Variants in MREG observed in about 807,000 individuals in gnomAD.
MREG encodes dilute suppressor protein homolog.
In MREG, 31 loss-of-function variants were observed where a neutral mutation model predicts 28.5. The observed-to-expected ratio is 1.09, with a 90% CI of 0.82 to 1.47. MREG has a LOEUF of 1.47. Among genes scored for constraint, MREG ranks in the 40% most tolerant of loss-of-function variants. MREG has a pLI of 0.00. For missense variants in MREG, 256 were observed against 257.4 expected, an observed-to-expected ratio of 0.99 and a Z score of 0.04; for synonymous variants, 106 against 95.2, an observed-to-expected ratio of 1.11 and a Z score of -0.66.
intron 1 of MREG, among the ~76,000 whole-genome samples, chr2:216,006,520 C>T (rs1366212541): frequency 9.9e-5 from 15 of 152,236 alleles, no homozygotes; most frequent in East Asian, 1.9e-4. Flanking sequence ...CCGGAGCTAC[C>T]GGCTTTGCAA....
rs1693876295 is a variant in MREG, at chr2:215,996,420, A to G, written c.141T>C (p.Asp47=). The G allele has an allele frequency of 6.2e-7, 1 of 1,613,588 alleles. No homozygotes were observed. The highest frequency in any genetic ancestry group is 8.5e-7 in the Non-Finnish European group (1 of 1,179,728). The part of the protein sequence containing the change: ...YSSFGATLVR[D]DEKNLWSMPH... Reference sequence around the variant, plus strand: ...GCATACTCCATAAATTCTTCTCATCATCCCTCACCAGAGTTGCTCCAAATG... The same window carrying G: ...GCATACTCCATAAATTCTTCTCATCGTCCCTCACCAGAGTTGCTCCAAATG... Residue 47 remains aspartate (D), a synonymous_variant, in exon 2 of 5, where the codon GAT becomes GAC. Transcript: ENST00000263268.
In MREG at chr2:216,000,127, C is replaced by T. The variant is rs1237954783; in HGVS notation, c.96-3662G>A. On this transcript the variant is annotated intron_variant, in intron 1 of 4. Transcript: ENST00000263268. ...TATTCAGGGCTTGAGCCAAGGGCTCCTGCATTCCACCCCTCACGTTACACA... is the reference window on the plus strand; with the variant it reads ...TATTCAGGGCTTGAGCCAAGGGCTCTTGCATTCCACCCCTCACGTTACACA... 3.9e-5 allele frequency among the ~76,000 whole-genome samples: 6 copies of T among 152,230 alleles called. No individual in the cohort carries two copies. In the South Asian group the frequency reaches 1.0e-3, roughly 26 times the overall value.
At chr2:215,986,668 G>T (rs188544148) in intron 2 of MREG, among the ~76,000 whole-genome samples, 4 of 152,060 alleles carry the variant, frequency 2.6e-5, no homozygotes, top group African/African-American at 7.2e-5. Context: ...TTCTGTTCTC[G>T]AAGTCTCACA....
intron 1 of MREG, among the ~76,000 whole-genome samples, chr2:216,004,430 T>A (rs1229441276): frequency 6.6e-6 from 1 of 152,004 alleles, no homozygotes; most frequent in Non-Finnish European, 1.5e-5. Context: ...GTATCTCAAG[T>A]ACTTAAAACA....
chr2:216,005,208 C>A (rs1360219385), intron 1 of MREG, among the ~76,000 whole-genome samples: 1 of 151,932 alleles, frequency 6.6e-6, no homozygotes, highest in Non-Finnish European at 1.5e-5. Context: ...AGGCTACATA[C>A]AACAACACGG....
chr2:215,961,417 A>C (rs1230770462), intron 2 of MREG, among the ~76,000 whole-genome samples: 2 of 151,976 alleles, frequency 1.3e-5, no homozygotes, highest in African/African-American at 4.8e-5. Flanking sequence ...ATTCACATGC[A>C]GGCCCCCCGC....
At chr2:216,031,531 G>GAA (rs1559203942) in intron 1 of MREG, among the ~76,000 whole-genome samples, 1 of 140,140 alleles carries the variant, frequency 7.1e-6, no homozygotes, top group Non-Finnish European at 1.5e-5. Context: ...GAAAAGAAAA[G>GAA]AAAGAAGGAA....
intron 2 of MREG, among the ~76,000 whole-genome samples, chr2:215,955,178 GCAAT>G (rs1051196177): frequency 2.0e-5 from 3 of 152,088 alleles, no homozygotes; most frequent in Admixed American, 6.5e-5. Flanking sequence ...ATATGTTTTA[GCAAT>G]CAGCCTGTGT....
chr2:216,022,622 A>G (rs959247212), intron 1 of MREG, among the ~76,000 whole-genome samples: 1 of 152,192 alleles, frequency 6.6e-6, no homozygotes, highest in African/African-American at 2.4e-5. Context: ...AACAGTCTCA[A>G]TTCTCAGCCC....
rs575334471 is a variant in MREG, at chr2:215,994,754, C to G, written c.255+1552G>C. On this transcript the variant is annotated intron_variant, in intron 2 of 4. Transcript: ENST00000263268. ...CCAAGAGGGCTTTGTCGTCCATGTT[C>G]CTCTGCTGTCTTCTGAAAAGTAAAG... 8.5e-5 allele frequency among the ~76,000 whole-genome samples: 13 copies of G among 152,226 alleles called. No homozygotes were observed. The South Asian group carries it at 2.7e-3, about 32-fold the overall frequency.
chr2:215,949,035 TCTACTACTACTACTACTACTA>T (rs67462853), intron 2 of MREG, among the ~76,000 whole-genome samples: 1 of 131,096 alleles, frequency 7.6e-6, no homozygotes, highest in African/African-American at 2.8e-5. Flanking sequence ...AAACCCTGTC[TCTACTACTACTACTACTACTA>T]CTACTACTAC....
intron 2 of MREG, among the ~76,000 whole-genome samples, chr2:215,987,739 GTAGT>G (rs1183637812): frequency 6.6e-6 from 1 of 151,824 alleles, no homozygotes; most frequent in Non-Finnish European, 1.5e-5. Flanking sequence ...AATTTACCAG[GTAGT>G]TAATTAAAAA....
chr2:215,970,566 C>G (rs1363244563), intron 2 of MREG, among the ~76,000 whole-genome samples: 2 of 152,204 alleles, frequency 1.3e-5, no homozygotes, highest in Admixed American at 6.5e-5. Flanking sequence ...ACAAGAGTCT[C>G]TTACTCATCT....
chr2:216,029,353 C>T (rs1271374117), intron 1 of MREG, among the ~76,000 whole-genome samples: 1 of 152,184 alleles, frequency 6.6e-6, no homozygotes, highest in Admixed American at 6.5e-5. Context: ...TGGCGCGCTT[C>T]TGTAGTCCCA....
chr2:215,966,887 A>G (rs540065514), intron 2 of MREG, among the ~76,000 whole-genome samples: 154 of 152,306 alleles, frequency 1.0e-3, no homozygotes, highest in Non-Finnish European at 1.9e-3. Context: ...GGCATGAGCC[A>G]CTGCACCTGG....
intron 2 of MREG, among the ~76,000 whole-genome samples, chr2:215,985,396 A>G (rs1191290946): frequency 6.6e-6 from 1 of 152,236 alleles, no homozygotes; most frequent in Non-Finnish European, 1.5e-5. Flanking sequence ...TTCAAAGACA[A>G]GAGCAATAAT....
rs1692240314 is a variant in MREG, at chr2:215,943,717, T to A, written c.*1146A>T. On this transcript the variant is annotated 3_prime_UTR_variant, in exon 5 of 5. Coordinates refer to ENST00000263268, the MANE Select transcript of MREG (RefSeq NM_018000.3). ...TTAGCCAGGTGTGGTGGCACGCGCCTGTAGTTCCAGCTACTCCAGAGGCTG... is the reference window on the plus strand; with the variant it reads ...TTAGCCAGGTGTGGTGGCACGCGCCAGTAGTTCCAGCTACTCCAGAGGCTG... 2 of 329,512 alleles carry A rather than the reference T, an allele frequency of 6.1e-6. No individual in the cohort carries two copies. Among genetic ancestry groups the A allele is most frequent in the Admixed American group, 8.0e-5 (2 of 25,036 alleles). 20.4% of individuals were successfully genotyped at this position (329,512 alleles called of 1,614,324 possible).
intron 2 of MREG, among the ~76,000 whole-genome samples, chr2:215,956,746 C>T (rs1388104080): frequency 6.6e-6 from 1 of 152,118 alleles, no homozygotes; most frequent in Non-Finnish European, 1.5e-5. Context: ...CACTATGTTA[C>T]CCAGGCTAGT....
At chr2:215,960,097 AG>A (rs1404913477) in intron 2 of MREG, among the ~76,000 whole-genome samples, 1 of 152,116 alleles carries the variant, frequency 6.6e-6, no homozygotes, top group Non-Finnish European at 1.5e-5. Context: ...TTGGGACTAC[AG>A]GTGCATGCCA....
Sources: gnomAD v4.1 joint callset for allele counts (sites outside exome capture counted in the v4.1 genomes callset) on GRCh38, gnomAD v4.1.1 for gene constraint, MANE v1.5 for transcripts, NCBI Gene and HGNC (gene_info 2026-07-23, HGNC 2026-07-21) for gene names.